Variants in AK9 observed in about 807,000 individuals in gnomAD.
AK9 encodes adenylate kinase domain containing 1.
Under a neutral mutation model 239.6 loss-of-function variants are expected in AK9, and 191 were observed. The observed-to-expected ratio is 0.80, with a 90% CI of 0.71 to 0.90. The LOEUF (loss-of-function observed/expected upper bound fraction) is 0.90, where lower values mean the gene tolerates loss of function less well. Among genes scored for constraint, AK9 ranks in the 40% least tolerant of loss-of-function variants. AK9 has a pLI of 0.00. For missense variants in AK9, 1,995 were observed against 2,214.7 expected, an observed-to-expected ratio of 0.90 and a Z score of 1.99; for synonymous variants, 689 against 721.0, an observed-to-expected ratio of 0.96 and a Z score of 0.71.
intron 17 of AK9, among the ~76,000 whole-genome samples, chr6:109,596,616 G>C (rs1791067646): frequency 6.6e-6 from 1 of 152,130 alleles, no homozygotes; most frequent in Non-Finnish European, 1.5e-5. Flanking sequence ...CTAATGCCTA[G>C]AAATATGACA....
chr6:109,540,504 A>T (rs967740496), intron 27 of AK9, among the ~76,000 whole-genome samples: 2 of 152,294 alleles, frequency 1.3e-5, no homozygotes, highest in Admixed American at 1.3e-4. Context: ...CATCTGTCAC[A>T]GCTTCCCGTG....
At chr6:109,662,937 G>C (rs1800625706) in intron 5 of AK9, among the ~76,000 whole-genome samples, 1 of 151,956 alleles carries the variant, frequency 6.6e-6, no homozygotes. Context: ...GAGGTGCCTA[G>C]GGAAGGAAAT....
intron 25 of AK9, chr6:109,549,659 A>ACTTTCTTTTTTTT: frequency 9.1e-6 from 1 of 110,332 alleles, no homozygotes; most frequent in Non-Finnish European, 1.9e-5. Flanking sequence ...GAACTTAGAT[A>ACTTTCTTTTTTTT]TTTTCTTTTT....
intron 38 of AK9, 139 bp downstream of exon 38, chr6:109,497,326 T>TCACACA (rs141968479): frequency 0.033 from 13,951 of 417,246 alleles, 211 homozygotes; most frequent in East Asian, 0.11. Context: ...CAGTGCTTGT[T>TCACACA]CACACACACA....
chr6:109,682,613 A>G (rs1289006666), intron 1 of AK9, among the ~76,000 whole-genome samples: 1 of 152,168 alleles, frequency 6.6e-6, no homozygotes, highest in Non-Finnish European at 1.5e-5. Context: ...AGAGAATACC[A>G]TAAACACCTC....
chr6:109,584,408 C>A (rs1562448430), intron 19 of AK9, among the ~76,000 whole-genome samples: 1 of 152,064 alleles, frequency 6.6e-6, no homozygotes, highest in African/African-American at 2.4e-5. Context: ...TCTTAAATGT[C>A]TAGGCCTTTA....
chr6:109,566,609 A>G (rs988517061), intron 21 of AK9, among the ~76,000 whole-genome samples: 1 of 152,224 alleles, frequency 6.6e-6, no homozygotes, highest in Non-Finnish European at 1.5e-5. Context: ...CTAAAATGCA[A>G]TAGTAGAGTT....
At chr6:109,676,890 T>C (rs1193578906) in intron 1 of AK9, among the ~76,000 whole-genome samples, 1 of 152,074 alleles carries the variant, frequency 6.6e-6, no homozygotes, top group Non-Finnish European at 1.5e-5. Flanking sequence ...GTGGTACATA[T>C]ATATCAGAAT....
At chr6:109,664,583 C>T (rs1458706687) in intron 5 of AK9, among the ~76,000 whole-genome samples, 1 of 151,986 alleles carries the variant, frequency 6.6e-6, no homozygotes, top group Non-Finnish European at 1.5e-5. Flanking sequence ...TGCTACCACG[C>T]CCGGCTAATT....
At chr6:109,587,967 T>C (rs1026869577) in intron 17 of AK9, among the ~76,000 whole-genome samples, 1 of 152,236 alleles carries the variant, frequency 6.6e-6, no homozygotes, top group Non-Finnish European at 1.5e-5. Context: ...TTTGACTTTG[T>C]AATAATAGCT....
chr6:109,619,818 T>C (rs1249409446), intron 12 of AK9, among the ~76,000 whole-genome samples: 8 of 152,110 alleles, frequency 5.3e-5, no homozygotes, highest in Non-Finnish European at 8.8e-5. Context: ...GCCTTACTCC[T>C]TCCCCAGCTT....
At chr6:109,637,663 TC>T (rs1449403232) in intron 10 of AK9, among the ~76,000 whole-genome samples, 1 of 152,222 alleles carries the variant, frequency 6.6e-6, no homozygotes, top group Non-Finnish European at 1.5e-5. Flanking sequence ...TTAAAAAGCT[TC>T]CTAGATGACC....
At chr6:109,597,970 C>T (rs1791287084) in intron 17 of AK9, among the ~76,000 whole-genome samples, 1 of 152,078 alleles carries the variant, frequency 6.6e-6, no homozygotes, top group African/African-American at 2.4e-5. Context: ...TTTTTGATCA[C>T]ATATTAGATT....
chr6:109,624,712 T>C (rs1795306194), intron 12 of AK9, among the ~76,000 whole-genome samples: 1 of 152,146 alleles, frequency 6.6e-6, no homozygotes, highest in Non-Finnish European at 1.5e-5. Context: ...TCCATTTTAC[T>C]GGGAATTTAC....
intron 20 of AK9, 39 bp from the exon 21 acceptor site, chr6:109,573,633 A>G: frequency 6.6e-7 from 1 of 1,515,380 alleles, no homozygotes; most frequent in Non-Finnish European, 8.9e-7. Context: ...ATTTGGTTGA[A>G]GTCAACAAAT....
At chr6:109,603,199 G>A (rs1026256589) in intron 17 of AK9, among the ~76,000 whole-genome samples, 1 of 152,114 alleles carries the variant, frequency 6.6e-6, no homozygotes, top group African/African-American at 2.4e-5. Context: ...CCATCTTTGT[G>A]GTTTTATCTA....
chr6:109,665,035 G>A (rs1399414895), intron 5 of AK9, among the ~76,000 whole-genome samples: 3 of 152,106 alleles, frequency 2.0e-5, no homozygotes, highest in Admixed American at 6.5e-5. Flanking sequence ...GCGAGACTCC[G>A]TCTCAAAAAA....
intron 8 of AK9, among the ~76,000 whole-genome samples, chr6:109,651,812 G>C (rs1345360792): frequency 6.6e-6 from 1 of 152,090 alleles, no homozygotes; most frequent in Admixed American, 6.6e-5. Context: ...AGAAGAAATG[G>C]ATAAATTCCT....
chr6:109,679,118 C>T (rs1772223586), intron 1 of AK9, among the ~76,000 whole-genome samples: 1 of 152,142 alleles, frequency 6.6e-6, no homozygotes, highest in Non-Finnish European at 1.5e-5. Context: ...CTGTTCACTC[C>T]CCTGGAAAGG....
Sources: allele counts gnomAD v4.1 joint callset (sites outside exome capture counted in the v4.1 genomes callset), GRCh38; gene constraint gnomAD v4.1.1; transcripts MANE v1.5; gene names NCBI Gene and HGNC (gene_info 2026-07-23, HGNC 2026-07-21).